Variants in PCDH15 observed in about 807,000 individuals in gnomAD.
PCDH15 encodes the protein protocadherin related 15.
PCDH15 carries 129 observed loss-of-function variants against 178.5 expected under a neutral mutation model. The ratio of observed to expected loss-of-function variants is 0.72; its 90% CI spans 0.63 to 0.84. PCDH15 has a LOEUF of 0.84. PCDH15 is among the 40% of genes least tolerant of loss of function. The pLI is 0.00. For synonymous variants in PCDH15, 800 were observed against 732.0 expected, an observed-to-expected ratio of 1.09 and a Z score of -1.50; for missense variants, 2,230 against 2,099.9, an observed-to-expected ratio of 1.06 and a Z score of -1.21.
At chr10:55,355,418 T>A (rs963082930) in intron 2 of PCDH15, among the ~76,000 whole-genome samples, 1 of 151,986 alleles carries the variant, frequency 6.6e-6, no homozygotes, top group Admixed American at 6.6e-5. Flanking sequence ...TAGTTTTGTT[T>A]ATTGTGTGTG....
chr10:54,483,770 T>C (rs1479997589), intron 3 of PCDH15, among the ~76,000 whole-genome samples: 1 of 151,860 alleles, frequency 6.6e-6, no homozygotes, highest in Admixed American at 6.6e-5. Context: ...GAGAAGAGTA[T>C]ATTCATTATT....
At chr10:54,697,666 G>GGAA (rs1266428907) in intron 1 of PCDH15, among the ~76,000 whole-genome samples, 122 of 64,298 alleles carry the variant, frequency 1.9e-3, no homozygotes, top group Non-Finnish European at 2.2e-3. Context: ...GGAAGGGGAA[G>GGAA]GGGGAAGGGG....
At chr10:55,233,707 C>T (rs1455980909) in intron 1 of PCDH15, among the ~76,000 whole-genome samples, 1 of 152,008 alleles carries the variant, frequency 6.6e-6, no homozygotes, top group African/African-American at 2.4e-5. Context: ...GGTTTTGACA[C>T]CTTACTATGT....
At chr10:55,223,476 A>G (rs1840942539) in intron 1 of PCDH15, among the ~76,000 whole-genome samples, 1 of 152,128 alleles carries the variant, frequency 6.6e-6, no homozygotes, top group African/African-American at 2.4e-5. Flanking sequence ...CCCAATGCCT[A>G]TGACTATATT....
intron 8 of PCDH15, among the ~76,000 whole-genome samples, chr10:54,305,044 T>C (rs2133345506): frequency 6.6e-6 from 1 of 152,180 alleles, no homozygotes; most frequent in African/African-American, 2.4e-5. Context: ...TTCTTAAAAG[T>C]GAAGCTGCAA....
intron 32 of PCDH15, chr10:53,822,534 A>C (rs746070543): frequency 6.2e-7 from 1 of 1,613,794 alleles, no homozygotes; most frequent in Non-Finnish European, 8.5e-7. Flanking sequence ...AAAATTTTCA[A>C]AAATATTTCT....
intron 33 of PCDH15, 200 bp from the exon 34 acceptor site, chr10:53,818,213 A>C: frequency 2.7e-6 from 1 of 373,288 alleles, no homozygotes; most frequent in Non-Finnish European, 4.7e-6. Flanking sequence ...GAATTACTAA[A>C]ATAATGATCA....
In PCDH15 at chr10:53,893,900, T is replaced by C. The variant is rs184194838; in HGVS notation, c.3501+9343A>G. Among the ~76,000 whole-genome samples the C allele has an allele frequency of 2.6e-3, 395 of 152,248 alleles. 1 individual carries two copies. Among genetic ancestry groups the C allele is most frequent in the Non-Finnish European group, 4.5e-3 (308 of 68,008 alleles). On this transcript the variant is annotated intron_variant, in intron 26 of 37. Coordinates refer to ENST00000644397, the MANE Select transcript of PCDH15 (RefSeq NM_001384140.1). ...ATCTCAGAAATCATCACTAAAGAAC[T>C]TATCCATGTAGCCAAAAACCACTTG...
At chr10:53,840,726 T>C (rs991395015) in intron 28 of PCDH15, among the ~76,000 whole-genome samples, 1 of 152,228 alleles carries the variant, frequency 6.6e-6, no homozygotes. Flanking sequence ...AACCATGTCC[T>C]ATTTAACTTT....
chr10:54,101,176 A>T (rs1488355844), intron 15 of PCDH15, among the ~76,000 whole-genome samples: 1 of 152,190 alleles, frequency 6.6e-6, no homozygotes, highest in East Asian at 1.9e-4. Context: ...TCCCTGCCCC[A>T]GTTCTCTCCA....
chr10:54,239,470 G>A (rs2055011345), intron 8 of PCDH15, among the ~76,000 whole-genome samples: 1 of 149,430 alleles, frequency 6.7e-6, no homozygotes, highest in African/African-American at 2.5e-5. Context: ...AACAAGTGTA[G>A]TATTTAGAAT....
At chr10:53,972,708 C>A (rs1589702773) in intron 21 of PCDH15, among the ~76,000 whole-genome samples, 1 of 152,144 alleles carries the variant, frequency 6.6e-6, no homozygotes, top group African/African-American at 2.4e-5. Context: ...CATCACTGGC[C>A]ATCAGAGAAA....
At chr10:55,553,620 G>C (rs1420408286) in intron 2 of PCDH15, among the ~76,000 whole-genome samples, 1 of 151,736 alleles carries the variant, frequency 6.6e-6, no homozygotes, top group Non-Finnish European at 1.5e-5. Flanking sequence ...CTGAATTTTT[G>C]TCCTCTTGTT....
At chr10:54,443,981 A>G (rs1342310) in intron 3 of PCDH15, among the ~76,000 whole-genome samples, 71,542 of 151,412 alleles carry the variant, frequency 0.47, 18,050 homozygotes, top group Non-Finnish European at 0.57. Context: ...TATTGAATCT[A>G]CATACAAAGT....
At position 54,020,500 on chromosome 10, in the gene PCDH15, C is replaced by T. The variant is rs1021420705; in HGVS notation, c.2527-84G>A. ...AAGGATGGAAGTCATGCGTTAGTGCCTAGGACAGCATCAATTTAACGAGGA... is the reference window on the plus strand; with the variant it reads ...AAGGATGGAAGTCATGCGTTAGTGCTTAGGACAGCATCAATTTAACGAGGA... On this transcript the variant is annotated intron_variant, in intron 19 of 37. Coordinates refer to ENST00000644397, the MANE Select transcript of PCDH15 (RefSeq NM_001384140.1). The T allele has an allele frequency of 6.3e-6, 8 of 1,271,378 alleles. No individual in the cohort carries two copies. The East Asian group carries it at 1.6e-4, about 26-fold the overall frequency. 78.8% of individuals were successfully genotyped at this position (1,271,378 alleles called of 1,614,324 possible). A position where few individuals can be genotyped will look rare whatever the true frequency, so the allele number is the denominator to read the frequency against.
chr10:55,106,910 G>A (rs1003536062), intron 2 of PCDH15, among the ~76,000 whole-genome samples: 2 of 152,158 alleles, frequency 1.3e-5, no homozygotes, highest in Admixed American at 1.3e-4. Context: ...ATAATACAAT[G>A]ATGGAGAGGA....
intron 2 of PCDH15, among the ~76,000 whole-genome samples, chr10:55,619,341 A>C (rs1589191361): frequency 6.6e-6 from 1 of 152,142 alleles, no homozygotes; most frequent in South Asian, 2.1e-4. Flanking sequence ...GGTTCTGGCA[A>C]TAAGCAACCA....
intron 2 of PCDH15, among the ~76,000 whole-genome samples, chr10:55,487,131 C>G (rs1418582256): frequency 2.0e-5 from 3 of 151,686 alleles, no homozygotes; most frequent in East Asian, 3.9e-4. Context: ...TATTTATAAG[C>G]CAAATGCCTT....
At chr10:55,082,709 A>G (rs1344009447) in intron 2 of PCDH15, among the ~76,000 whole-genome samples, 3 of 151,914 alleles carry the variant, frequency 2.0e-5, no homozygotes, top group Non-Finnish European at 4.4e-5. Context: ...AAAATTAGAG[A>G]TGAAAAAGGA....
Sources: gnomAD v4.1 joint callset for allele counts (sites outside exome capture counted in the v4.1 genomes callset) on GRCh38, gnomAD v4.1.1 for gene constraint, MANE v1.5 for transcripts, NCBI Gene and HGNC (gene_info 2026-07-23, HGNC 2026-07-21) for gene names.